The following UBE2E2 variants were observed in gnomAD, a reference collection of about 807,000 sequenced individuals.
UBE2E2 encodes ubiquitin conjugating enzyme E2 E2.
UBE2E2 carries 6 observed loss-of-function variants against 24.7 expected under a neutral mutation model. The ratio of observed to expected loss-of-function variants is 0.24; its 90% confidence interval spans 0.13 to 0.48. The LOEUF is 0.48. Among genes scored for constraint, UBE2E2 ranks in the 20% least tolerant of loss-of-function variants. The probability of loss-of-function intolerance (pLI) is 0.99; values close to 1 mark genes in which losing one functional copy is unlikely to be tolerated. For missense variants in UBE2E2, 169 were observed against 245.0 expected (o/e 0.69, Z 2.07); for synonymous variants, 104 against 83.6 (o/e 1.24, Z -1.33).
At chr3:23,346,141 T>A (rs543853309) in intron 3 of UBE2E2, among the ~76,000 whole-genome samples, 2 of 152,312 alleles carry the variant, frequency 1.3e-5, no homozygotes, top group South Asian at 4.1e-4. Flanking sequence ...TGTGTTTCTT[T>A]TAAAGCCAAT....
chr3:23,367,371 G>A (rs1014495706), intron 3 of UBE2E2, among the ~76,000 whole-genome samples: 15 of 152,134 alleles, frequency 9.9e-5, no homozygotes, highest in Non-Finnish European at 2.9e-5. Context: ...ACCAAGGCAG[G>A]ATTAGAGGGG....
chr3:23,216,721 C>T lies in UBE2E2; in HGVS notation c.177-541C>T, dbSNP rs139610505. Among the ~76,000 whole-genome samples the T allele has an allele frequency of 3.2e-3, 493 of 151,982 alleles. 2 individuals carry two copies. Among genetic ancestry groups the T allele is most frequent in the Non-Finnish European group, 5.4e-3 (367 of 67,924 alleles). ...AGCTCATGCAATGACATTAATTGCT[C>T]ATGTAATATTAGGGTAGTTCTAGCC... is the stretch of plus-strand genomic sequence containing the variant. On this transcript the variant is annotated intron_variant, in intron 2 of 5. Coordinates refer to ENST00000396703, the MANE Select transcript of UBE2E2 (RefSeq NM_152653.4).
At chr3:23,556,727 A>G (rs1695798225) in intron 5 of UBE2E2, among the ~76,000 whole-genome samples, 1 of 152,168 alleles carries the variant, frequency 6.6e-6, no homozygotes, top group Non-Finnish European at 1.5e-5. Flanking sequence ...CAATGTGTAA[A>G]TCAGGAATCC....
intron 3 of UBE2E2, among the ~76,000 whole-genome samples, chr3:23,285,944 A>C (rs1374151078): frequency 1.3e-5 from 2 of 152,112 alleles, no homozygotes; most frequent in African/African-American, 4.8e-5. Flanking sequence ...TGATCTGCCC[A>C]CCTCGGCCTC....
chr3:23,587,768 A>G (rs1160325766), intron 5 of UBE2E2, among the ~76,000 whole-genome samples: 1 of 152,242 alleles, frequency 6.6e-6, no homozygotes, highest in African/African-American at 2.4e-5. Context: ...GCTGGTTTAA[A>G]TCTTGTTGAA....
intron 5 of UBE2E2, among the ~76,000 whole-genome samples, chr3:23,579,756 C>T (rs1696434425): frequency 6.6e-6 from 1 of 152,036 alleles, no homozygotes. Context: ...CCATAGATGG[C>T]GATTCTCTGA....
chr3:23,217,224 A>G (rs771646739), intron 2 of UBE2E2, 38 bp from the exon 3 acceptor site: 1 of 1,549,950 alleles, frequency 6.5e-7, no homozygotes, highest in South Asian at 1.1e-5. Flanking sequence ...AAGAGTGAAG[A>G]TATTTTTAAC....
chr3:23,581,126 A>G (rs1480609189), intron 5 of UBE2E2, among the ~76,000 whole-genome samples: 1 of 151,966 alleles, frequency 6.6e-6, no homozygotes, highest in East Asian at 1.9e-4. Flanking sequence ...GCTGGAGTGC[A>G]GTGGCACAAC....
At chr3:23,548,577 G>A (rs17013457) in intron 5 of UBE2E2, among the ~76,000 whole-genome samples, 46,165 of 151,922 alleles carry the variant, frequency 0.3, 7,671 homozygotes, top group East Asian at 0.51. Flanking sequence ...ATTCTTGGTT[G>A]TTCCTTCTCT....
At chr3:23,406,871 T>C (rs1380857876) in intron 3 of UBE2E2, among the ~76,000 whole-genome samples, 1 of 152,222 alleles carries the variant, frequency 6.6e-6, no homozygotes, top group Non-Finnish European at 1.5e-5. Context: ...AATTGCTTGC[T>C]AAACTGTGCC....
At chr3:23,223,021 C>CCT (rs1387912728) in intron 3 of UBE2E2, among the ~76,000 whole-genome samples, 6 of 104,996 alleles carry the variant, frequency 5.7e-5, no homozygotes, top group African/African-American at 2.0e-4. Context: ...TTTGCCCCCC[C>CCT]CCCCTTTTTT....
intron 3 of UBE2E2, among the ~76,000 whole-genome samples, chr3:23,431,835 G>C (rs545087883): frequency 1.3e-5 from 2 of 152,166 alleles, no homozygotes; most frequent in South Asian, 4.2e-4. Flanking sequence ...TAATATTTAG[G>C]GGTTAAAATT....
chr3:23,557,165 T>C (rs1004155104), intron 5 of UBE2E2, among the ~76,000 whole-genome samples: 2 of 152,172 alleles, frequency 1.3e-5, no homozygotes, highest in African/African-American at 4.8e-5. Context: ...GGTGTTTGTG[T>C]TGGTGGTGGA....
chr3:23,515,168 G>T (rs1050625397), intron 4 of UBE2E2, among the ~76,000 whole-genome samples: 63 of 151,014 alleles, frequency 4.2e-4, no homozygotes, highest in African/African-American at 1.4e-3. Context: ...TATATATAGA[G>T]AGAGAGATAC....
intron 3 of UBE2E2, among the ~76,000 whole-genome samples, chr3:23,267,941 C>G (rs1213090553): frequency 4.1e-4 from 62 of 151,626 alleles, no homozygotes; most frequent in African/African-American, 1.4e-3. Flanking sequence ...ATAAACAGAA[C>G]CAAAGACAAA....
At chr3:23,504,710 G>A (rs901856050) in intron 4 of UBE2E2, among the ~76,000 whole-genome samples, 2 of 152,010 alleles carry the variant, frequency 1.3e-5, no homozygotes, top group Admixed American at 6.6e-5. Context: ...CATGTATACT[G>A]TTGTCCTATC....
At chr3:23,321,014 A>G (rs908196236) in intron 3 of UBE2E2, among the ~76,000 whole-genome samples, 1 of 152,214 alleles carries the variant, frequency 6.6e-6, no homozygotes, top group Admixed American at 6.5e-5. Flanking sequence ...TTAGGGAAGA[A>G]TCTTACCTAA....
intron 3 of UBE2E2, among the ~76,000 whole-genome samples, chr3:23,455,473 T>A (rs1052324050): frequency 1.3e-5 from 2 of 152,160 alleles, no homozygotes; most frequent in African/African-American, 4.8e-5. Flanking sequence ...ATCCCAGCAC[T>A]TTGGGAGGCA....
intron 3 of UBE2E2, among the ~76,000 whole-genome samples, chr3:23,278,287 A>G (rs1301540472): frequency 1.3e-5 from 2 of 152,154 alleles, no homozygotes; most frequent in African/African-American, 4.8e-5. Context: ...TTAATTAAGT[A>G]CACCGTCATC....
Sources: gnomAD v4.1 joint callset for allele counts (sites outside exome capture counted in the v4.1 genomes callset) on GRCh38, gnomAD v4.1.1 for gene constraint, MANE v1.5 for transcripts, NCBI Gene and HGNC (gene_info 2026-07-23, HGNC 2026-07-21) for gene names.